The following GREB1L variants were observed in gnomAD, a reference collection of about 807,000 sequenced individuals.
GREB1L encodes the protein GREB1 like retinoic acid receptor coactivator, also known as GREB1-like protein.
GREB1L carries 17 observed loss-of-function variants against 200.8 expected under a neutral mutation model. That is an observed-to-expected ratio of 0.08 (90% CI 0.06 to 0.13). The LOEUF is 0.13. Ranked by LOEUF, GREB1L falls within the 10% of genes least tolerant of loss-of-function variation. GREB1L has a pLI of 1.00. For missense variants in GREB1L, 1,657 were observed against 2,367.7 expected, an observed-to-expected ratio of 0.70 and a Z score of 6.23; for synonymous variants, 789 against 893.0, an observed-to-expected ratio of 0.88 and a Z score of 2.08.
intron 7 of GREB1L, among the ~76,000 whole-genome samples, chr18:21,436,844 G>A (rs1475709582): frequency 6.6e-6 from 1 of 151,854 alleles, no homozygotes; most frequent in African/African-American, 2.4e-5. Flanking sequence ...CCAAGTAGCT[G>A]GGACTATAGG....
rs765678601 is a variant in GREB1L at position 21,384,210 on chromosome 18, C to T, written c.162C>T (p.Val54=). Residue 54 remains valine, a synonymous_variant, in exon 4 of 33, where the codon GTC becomes GTT. Transcript: ENST00000424526. Reference sequence around the variant, plus strand: ...GTGATTTATTTGCTTACCCAGATGTCAAACCCAAGGTGGAGGATCTGGACA... The same window carrying T: ...GTGATTTATTTGCTTACCCAGATGTTAAACCCAAGGTGGAGGATCTGGACA... The part of the protein sequence containing the change: ...PDQHPFSSAD[V]KPKVEDLDKD... 1.9e-6 allele frequency: 3 copies of T among 1,547,592 alleles called. No homozygotes were observed. In the South Asian group the frequency reaches 3.6e-5, roughly 18 times the overall value.
Position 21,485,678 on chromosome 18 carries a change from T to C in GREB1L, c.2615T>C (p.Leu872Pro). The change falls in exon 18 of 33, where the codon CTG (leucine) becomes CCG (proline). Residue 872 changes from leucine to proline, a missense_variant. Coordinates refer to ENST00000424526, the MANE Select transcript of GREB1L (RefSeq NM_001142966.3). Reference sequence around the variant, plus strand: ...GGCTTGAGTGAGTACAGCAAGTCTCTGCAGTGGGGGATCACGAGCCCACTT... The same window carrying C: ...GGCTTGAGTGAGTACAGCAAGTCTCCGCAGTGGGGGATCACGAGCCCACTT... ...YFGLSEYSKS[L>P]QWGITSPLLR... 3 of 1,551,516 alleles carry C rather than the reference T, an allele frequency of 1.9e-6. No individual in the cohort carries two copies. Among genetic ancestry groups the C allele is most frequent in the Non-Finnish European group, 2.6e-6 (3 of 1,146,832 alleles).
rs1567967317 is a variant in GREB1L at position 21,384,386 on chromosome 18, G to T, written c.338G>T (p.Gly113Val). The change falls in exon 4 of 33, where the codon GGA (glycine) becomes GTA (valine). Residue 113 changes from glycine to valine, a missense_variant. This residue lies in a region of GREB1L where 70 missense variants were observed against 151.3 expected (regional missense o/e 0.46). Transcript: ENST00000424526. ...IPYSQKPAPE[G>V]SCTTDGFCQA... The stretch of plus-strand genomic sequence containing the variant: ...TATTCACAAAAACCTGCCCCAGAAG[G>T]ATCTTGCACTACAGATGGTGGGTTT... The T allele has an allele frequency of 1.9e-6, 3 of 1,550,398 alleles. No homozygotes were observed. The highest frequency in any genetic ancestry group is 2.7e-5 in the African/African-American group (2 of 73,000).
At chr18:21,335,600 G>C (rs1304895806) in intron 1 of GREB1L, among the ~76,000 whole-genome samples, 1 of 151,844 alleles carries the variant, frequency 6.6e-6, no homozygotes, top group Non-Finnish European at 1.5e-5. Flanking sequence ...CTCAGCTGTT[G>C]AGCATTTAAA....
chr18:21,415,508 G>A (rs752895486), intron 7 of GREB1L, among the ~76,000 whole-genome samples: 3 of 152,046 alleles, frequency 2.0e-5, no homozygotes, highest in Admixed American at 6.6e-5. Context: ...CCCAAAGGGA[G>A]GGAGGGAAGG....
chr18:21,308,892 C>T (rs1248109400), intron 1 of GREB1L, among the ~76,000 whole-genome samples: 2 of 152,216 alleles, frequency 1.3e-5, no homozygotes, highest in Non-Finnish European at 2.9e-5. Flanking sequence ...CTGTCCTGTT[C>T]TATTCTAGCC....
chr18:21,383,712 T>G lies in GREB1L; in HGVS notation c.157+37T>G. On this transcript the variant is annotated intron_variant, in intron 3 of 32. Coordinates refer to ENST00000424526, the MANE Select transcript of GREB1L (RefSeq NM_001142966.3). ...AATCACACACATTTCTGGATTCTTT[T>G]TTTTTGTTTTGTTTTTTTGAGATGG... The G allele has an allele frequency of 2.6e-6, 4 of 1,543,076 alleles. No individual in the cohort carries two copies. In the South Asian group the frequency reaches 3.6e-5, roughly 14 times the overall value.
chr18:21,428,867 G>A lies in GREB1L; in HGVS notation c.833-10654G>A, dbSNP rs182825626. Among the ~76,000 whole-genome samples the A allele has an allele frequency of 9.2e-5, 14 of 151,682 alleles. No individual in the cohort carries two copies. In the East Asian group the frequency reaches 1.8e-3, roughly 19 times the overall value. On this transcript the variant is annotated intron_variant, in intron 7 of 32. Transcript: ENST00000424526. ...CGAGTTGCTGAGATTACAGGTGCCC[G>A]CCATCACACCTAGCTAATTTTTGTA...
Position 21,449,807 on chromosome 18 carries a change from G to C in GREB1L, c.1691G>C (p.Arg564Thr). The change falls in exon 12 of 33, where the codon AGA (arginine) becomes ACA (threonine). Residue 564 changes from arginine to threonine, a missense_variant. Transcript: ENST00000424526. The part of the protein sequence containing the change: ...YVVVICASKI[R>T]GNEFCVVVLG... ...GTGGTAATTTGTGCATCGAAAATCA[G>C]AGGAAATGAATTTTGTGTGGTAGTG... 2 of 1,540,120 alleles carry C rather than the reference G, an allele frequency of 1.3e-6. No individual in the cohort carries two copies. The highest frequency in any genetic ancestry group is 1.8e-6 in the Non-Finnish European group (2 of 1,139,328).
At chr18:21,429,315 C>G (rs944221996) in intron 7 of GREB1L, among the ~76,000 whole-genome samples, 13 of 135,568 alleles carry the variant, frequency 9.6e-5, no homozygotes, top group African/African-American at 3.6e-4. Context: ...CTCCTCTCCT[C>G]TCCTCTTCCT....
intron 21 of GREB1L, among the ~76,000 whole-genome samples, chr18:21,497,806 T>G (rs1046533145): frequency 1.8e-5 from 1 of 55,932 alleles, no homozygotes; most frequent in Non-Finnish European, 4.2e-5. Flanking sequence ...CCTTCTCCCC[T>G]CACCACCCCC....
rs2033780629 is a variant in GREB1L at position 21,439,634 on chromosome 18, C to G, written c.946C>G (p.Gln316Glu). ...SPRPSYASGDQATMFISGPPK... is the reference protein window; with the variant it reads ...SPRPSYASGDEATMFISGPPK... Reference sequence around the variant, plus strand: ...ACGACCTAGCTATGCATCAGGAGATCAAGGTACAATGCCTGTCGTAGAGTT... The same window carrying G: ...ACGACCTAGCTATGCATCAGGAGATGAAGGTACAATGCCTGTCGTAGAGTT... Residue 316 changes from glutamine (Q) to glutamate (E), a missense_variant, in exon 8 of 33, where the codon CAA becomes GAA. By Grantham distance (29) the Gln-to-Glu change is conservative. This residue lies in a region of GREB1L where 289 missense variants were observed against 345.1 expected (regional missense o/e 0.84). Transcript: ENST00000424526. The G allele has an allele frequency of 2.0e-6, 3 of 1,531,280 alleles. No homozygotes were observed. The highest frequency in any genetic ancestry group is 2.8e-5 in the African/African-American group (2 of 72,718). 94.9% of individuals were successfully genotyped at this position (1,531,280 alleles called of 1,614,324 possible). A position where few individuals can be genotyped will look rare whatever the true frequency, so the allele number is the denominator to read the frequency against.
intron 1 of GREB1L, among the ~76,000 whole-genome samples, chr18:21,272,888 T>C (rs1212048996): frequency 2.0e-5 from 3 of 152,232 alleles, no homozygotes; most frequent in Admixed American, 2.0e-4. Flanking sequence ...AAAGCTAGTT[T>C]TAAATTCATG....
At chr18:21,499,032 C>T (rs1410616617) in intron 21 of GREB1L, among the ~76,000 whole-genome samples, 1 of 152,184 alleles carries the variant, frequency 6.6e-6, no homozygotes, top group Admixed American at 6.5e-5. Flanking sequence ...TGTGGGGCTA[C>T]TTTAGGGAAA....
intron 7 of GREB1L, among the ~76,000 whole-genome samples, chr18:21,414,231 G>A (rs1256616928): frequency 2.0e-5 from 3 of 152,082 alleles, no homozygotes; most frequent in East Asian, 1.9e-4. Flanking sequence ...GAACCGTGCA[G>A]CCACCTAGGA....
chr18:21,333,268 A>G (rs771117640), intron 1 of GREB1L, among the ~76,000 whole-genome samples: 5 of 152,158 alleles, frequency 3.3e-5, no homozygotes, highest in Non-Finnish European at 7.3e-5. Context: ...TCATTTATTA[A>G]CTATTAATTG....
At position 21,508,137 on chromosome 18, in the gene GREB1L, A is replaced by G. The variant is rs1695001814; in HGVS notation, c.4388A>G (p.His1463Arg). The change falls in exon 26 of 33, where the codon CAT becomes CGT. Residue 1463 changes from histidine (H) to arginine (R), a missense_variant. Physicochemically the swap from His to Arg is conservative, Grantham distance 29 (BLOSUM62 0). Transcript: ENST00000424526. ...ATGTAGATGTCTGACTCCACCCTTC[A>G]TGCCTTCACATTCTCTTCTTCTATG... ...SASQMSDSTL[H>R]AFTFSSSMLG... 4 of 1,551,626 alleles carry G rather than the reference A, an allele frequency of 2.6e-6. No homozygotes were observed. Among genetic ancestry groups the G allele is most frequent in the Non-Finnish European group, 1.7e-6 (2 of 1,146,974 alleles).
rs1201870935 is a variant in GREB1L at position 21,507,692 on chromosome 18, A to T, written c.4369-426A>T. Among the ~76,000 whole-genome samples the T allele has an allele frequency of 2.0e-5, 3 of 152,330 alleles. No homozygotes were observed. In the East Asian group the frequency reaches 5.8e-4, roughly 29 times the overall value. On this transcript the variant is annotated intron_variant, in intron 25 of 32. Transcript: ENST00000424526. ...GGCTGGAGAGGCATTTTAATGTCAAACCTGATATTTAGAAAGCTGATATTC... is the reference window on the plus strand; with the variant it reads ...GGCTGGAGAGGCATTTTAATGTCAATCCTGATATTTAGAAAGCTGATATTC...
At chr18:21,329,760 T>G (rs2039079440) in intron 1 of GREB1L, among the ~76,000 whole-genome samples, 1 of 152,116 alleles carries the variant, frequency 6.6e-6, no homozygotes, top group African/African-American at 2.4e-5. Context: ...CTCACAATCC[T>G]GTTAATTTCT....
Sources: gnomAD v4.1 joint callset for allele counts (sites outside exome capture counted in the v4.1 genomes callset) on GRCh38, gnomAD v4.1.1 for gene constraint, gnomAD v4.1.1 regional missense constraint, MANE v1.5 for transcripts, NCBI Gene and HGNC (gene_info 2026-07-23, HGNC 2026-07-21) for gene names.